Variants in CLINT1 observed in about 807,000 individuals in gnomAD.
CLINT1 encodes clathrin interacting protein localized in the trans-Golgi region.
Under a neutral mutation model 70.4 loss-of-function variants are expected in CLINT1, and 15 were observed. The ratio of observed to expected loss-of-function variants is 0.21; its 90% CI spans 0.14 to 0.33. The LOEUF is 0.33. CLINT1 is among the 10% of genes least tolerant of loss of function. CLINT1 has a pLI of 1.00. For missense variants in CLINT1, 615 were observed against 778.1 expected (o/e 0.79, Z 2.49); for synonymous variants, 227 against 254.7 (o/e 0.89, Z 1.04).
intron 1 of CLINT1, among the ~76,000 whole-genome samples, chr5:157,840,089 G>C (rs1753107065): frequency 6.6e-6 from 1 of 150,982 alleles, no homozygotes; most frequent in Non-Finnish European, 1.5e-5. Flanking sequence ...CAGCTACTCA[G>C]GAGGTTAAGG....
intron 6 of CLINT1, among the ~76,000 whole-genome samples, chr5:157,808,736 C>G (rs1240557177): frequency 1.3e-5 from 2 of 152,032 alleles, no homozygotes; most frequent in East Asian, 1.9e-4. Context: ...AAAAATACAG[C>G]TCTATTCTCA....
chr5:157,827,846 G>A (rs1763087632), intron 1 of CLINT1, among the ~76,000 whole-genome samples: 3 of 152,158 alleles, frequency 2.0e-5, no homozygotes, highest in Admixed American at 2.0e-4. Context: ...GCACACTTAT[G>A]TATTTTTCAT....
At chr5:157,854,377 A>G (rs1233976165) in intron 1 of CLINT1, among the ~76,000 whole-genome samples, 2 of 152,116 alleles carry the variant, frequency 1.3e-5, no homozygotes, top group East Asian at 3.9e-4. Flanking sequence ...TGAGCCCAGG[A>G]GTTCAAGACT....
At chr5:157,803,781 T>G in intron 7 of CLINT1, 62 bp from the exon 8 acceptor site, 2 of 1,209,056 alleles carry the variant, frequency 1.7e-6, no homozygotes, top group Non-Finnish European at 2.3e-6. Flanking sequence ...ATCAGCTCTA[T>G]CCATCTCTAA....
At position 157,856,565 on chromosome 5, in the gene CLINT1, C is replaced by T. The variant is rs183150744; in HGVS notation, c.41+2365G>A. On this transcript the variant is annotated intron_variant, in intron 1 of 11. Transcript: ENST00000411809. ...TCAGACCAACCATTCTATGGATGCA[C>T]GTCTATTATGGCATTATAAGGTGCA... 1.1e-4 allele frequency among the ~76,000 whole-genome samples: 16 copies of T among 152,266 alleles called. No individual in the cohort carries two copies. In the East Asian group the frequency reaches 2.7e-3, roughly 26 times the overall value.
At chr5:157,796,039 C>CAACAA (rs972706699) in intron 8 of CLINT1, 9 of 152,082 alleles carry the variant, frequency 5.9e-5, no homozygotes, top group Admixed American at 2.0e-4. Flanking sequence ...AAGCAACAAA[C>CAACAA]AACAAAACAA....
In CLINT1 at chr5:157,817,511, A is replaced by G; in HGVS notation, c.78T>C (p.Ser26=). The G allele has an allele frequency of 2.5e-6, 4 of 1,605,598 alleles. No individual in the cohort carries two copies. Among genetic ancestry groups the G allele is most frequent in the Non-Finnish European group, 3.4e-6 (4 of 1,175,676 alleles). ...CATCGTTCGTTGCCTCTCGAACCTT[A>G]GACTCGATCTCTGAATAATTCATAA... ...NVVMNYSEIE[S]KVREATNDDP... Residue 26 remains serine (S), a synonymous_variant, in exon 2 of 12, where the codon TCT becomes TCC. Transcript: ENST00000411809.
At chr5:157,812,258 G>T in intron 5 of CLINT1, among the ~76,000 whole-genome samples, 1 of 152,182 alleles carries the variant, frequency 6.6e-6, no homozygotes, top group East Asian at 1.9e-4. Flanking sequence ...ATATATGGGT[G>T]GGGGGAGCTG....
chr5:157,848,530 G>A (rs1753460169), intron 1 of CLINT1, among the ~76,000 whole-genome samples: 1 of 151,306 alleles, frequency 6.6e-6, no homozygotes, highest in Non-Finnish European at 1.5e-5. Context: ...TTGAGGTGGA[G>A]TCTCACTCTG....
intron 1 of CLINT1, among the ~76,000 whole-genome samples, chr5:157,850,756 G>T (rs1479912126): frequency 6.6e-6 from 1 of 151,380 alleles, no homozygotes; most frequent in Non-Finnish European, 1.5e-5. Context: ...AATAGAAAAA[G>T]GCTCAGTATG....
rs1188706818 is a variant in CLINT1, at chr5:157,787,938, C to T, written c.1586G>A (p.Ser529Asn). The change falls in exon 12 of 12, where the codon AGT (serine) becomes AAT (asparagine). Residue 529 changes from serine to asparagine, a missense_variant. Around this residue, in one of 2 missense-constraint regions of CLINT1, gnomAD observed 374 missense variants for 409.6 expected, o/e 0.91. Coordinates refer to ENST00000411809, the MANE Select transcript of CLINT1 (RefSeq NM_014666.4). ...MTQSFGAVNLSSPSNMLPVRP... is the reference protein window; with the variant it reads ...MTQSFGAVNLNSPSNMLPVRP... ...GACAGGAAGCATGTTCGATGGAGAA[C>T]TGAGGTTCACAGCTCCAAAACTTTG... 6.2e-7 allele frequency: 1 copy of T among 1,612,802 alleles called. No individual in the cohort carries two copies. The highest frequency in any genetic ancestry group is 8.5e-7 in the Non-Finnish European group (1 of 1,179,336).
In CLINT1 at chr5:157,816,722, T is replaced by C. The variant is rs1475627478; in HGVS notation, c.243+12A>G. On this transcript the variant is annotated intron_variant, in intron 3 of 11. Coordinates refer to ENST00000411809, the MANE Select transcript of CLINT1 (RefSeq NM_014666.4). Reference sequence around the variant, plus strand: ...AACATGTCAAGTAATTAAAGCAGACTTGTGTCCATACCTTATAAACTCTTC... The same window carrying C: ...AACATGTCAAGTAATTAAAGCAGACCTGTGTCCATACCTTATAAACTCTTC... 6.3e-7 allele frequency: 1 copy of C among 1,581,328 alleles called. No homozygotes were observed. The highest frequency in any genetic ancestry group is 8.7e-7 in the Non-Finnish European group (1 of 1,153,854).
intron 1 of CLINT1, among the ~76,000 whole-genome samples, chr5:157,848,105 CA>C (rs1489325835): frequency 2.0e-5 from 3 of 151,858 alleles, no homozygotes; most frequent in Admixed American, 6.6e-5. Context: ...TGCACCTGGC[CA>C]AAAAAAATTT....
At position 157,809,661 on chromosome 5, in the gene CLINT1, C is replaced by G. The variant is rs1403530659; in HGVS notation, c.662G>C (p.Arg221Thr). Residue 221 changes from arginine to threonine, a missense_variant, in exon 6 of 12, where the codon AGG (arginine) becomes ACG (threonine). Transcript: ENST00000411809. ...TIDDTISKFRRKDREDSPERC... is the reference protein window; with the variant it reads ...TIDDTISKFRTKDREDSPERC... ...TTCTGGAGAGTCTTCTCTATCTTTCCTCCGGAACTTGCTGATGGTGTCATC... is the reference window on the plus strand; with the variant it reads ...TTCTGGAGAGTCTTCTCTATCTTTCGTCCGGAACTTGCTGATGGTGTCATC... The G allele has an allele frequency of 6.2e-7, 1 of 1,612,336 alleles. No homozygotes were observed. Among genetic ancestry groups the G allele is most frequent in the East Asian group, 2.2e-5 (1 of 44,802 alleles).
chr5:157,846,178 A>G (rs1753371379), intron 1 of CLINT1, among the ~76,000 whole-genome samples: 1 of 152,228 alleles, frequency 6.6e-6, no homozygotes, highest in Non-Finnish European at 1.5e-5. Context: ...GAAATGATTA[A>G]GCTTAGGAAG....
Position 157,787,528 on chromosome 5 carries a change from G to T in CLINT1, c.*118C>A. ...TAAAACAGCCTTTTTGGTTCTTTAT[G>T]TAGATTTATTTTAATTACTTGATAA... On this transcript the variant is annotated 3_prime_UTR_variant, in exon 12 of 12. Coordinates refer to ENST00000411809, the MANE Select transcript of CLINT1 (RefSeq NM_014666.4). 2 of 905,082 alleles carry T rather than the reference G, an allele frequency of 2.2e-6. No homozygotes were observed. Among genetic ancestry groups the T allele is most frequent in the Admixed American group, 2.4e-5 (1 of 41,828 alleles). 56.1% of individuals were successfully genotyped at this position (905,082 alleles called of 1,614,324 possible).
intron 1 of CLINT1, among the ~76,000 whole-genome samples, chr5:157,818,536 C>A (rs1762789262): frequency 6.7e-6 from 1 of 148,842 alleles, no homozygotes; most frequent in Non-Finnish European, 1.5e-5. Flanking sequence ...GTAGTCCCAG[C>A]TACTAGGGAG....
intron 1 of CLINT1, among the ~76,000 whole-genome samples, chr5:157,852,620 A>C (rs1047461924): frequency 3.3e-5 from 5 of 152,230 alleles, no homozygotes; most frequent in African/African-American, 1.2e-4. Flanking sequence ...TTTAATCCTC[A>C]TAATCCTATA....
intron 1 of CLINT1, among the ~76,000 whole-genome samples, chr5:157,844,149 T>C (rs944055725): frequency 2.0e-5 from 3 of 152,140 alleles, no homozygotes; most frequent in Non-Finnish European, 4.4e-5. Flanking sequence ...TCTCAAAAAC[T>C]AGACTTGACT....
Sources: allele counts gnomAD v4.1 joint callset (sites outside exome capture counted in the v4.1 genomes callset), GRCh38; gene constraint gnomAD v4.1.1; regional missense constraint gnomAD v4.1.1; transcripts MANE v1.5; gene names NCBI Gene and HGNC (gene_info 2026-07-23, HGNC 2026-07-21).